Variants in DENND5A observed in about 807,000 individuals in gnomAD.
DENND5A encodes DENN domain containing 5A.
In DENND5A, 64 loss-of-function variants were observed where a neutral mutation model predicts 140.3. The ratio of observed to expected loss-of-function variants is 0.46; its 90% CI spans 0.37 to 0.56. The LOEUF (loss-of-function observed/expected upper bound fraction) is 0.56, where lower values mean the gene tolerates loss of function less well. DENND5A is among the 20% of genes least tolerant of loss of function. DENND5A has a pLI of 0.00. For missense variants in DENND5A, 1,292 were observed against 1,593.8 expected, an observed-to-expected ratio of 0.81 and a Z score of 3.22; for synonymous variants, 605 against 607.7, an observed-to-expected ratio of 1.00 and a Z score of 0.07.
chr11:9,143,992 G>T, intron 19 of DENND5A, 105 bp downstream of exon 19: 1 of 1,343,536 alleles, frequency 7.4e-7, no homozygotes, highest in Non-Finnish European at 1.0e-6. Flanking sequence ...GTTTCCTGAG[G>T]CAGCTGCACA....
In DENND5A at chr11:9,152,460, G is replaced by C. The variant is rs1028593438; in HGVS notation, c.2437-18C>G. The C allele has an allele frequency of 3.2e-6, 5 of 1,556,670 alleles. No individual in the cohort carries two copies. Among genetic ancestry groups the C allele is most frequent in the South Asian group, 1.1e-5 (1 of 89,894 alleles). ...GATTTCCCCTGGAACCAATGCAAGG[G>C]AGAAACACCTATCAGTTTAGATTTC... On this transcript the variant is annotated intron_variant, in intron 12 of 22. Coordinates refer to ENST00000328194, the MANE Select transcript of DENND5A (RefSeq NM_015213.4).
chr11:9,197,676 C>CA (rs1849379137), intron 4 of DENND5A, among the ~76,000 whole-genome samples: 1 of 152,108 alleles, frequency 6.6e-6, no homozygotes, highest in Non-Finnish European at 1.5e-5. Context: ...GCCTGGGCAA[C>CA]AGAGCAAGAC....
intron 5 of DENND5A, among the ~76,000 whole-genome samples, chr11:9,188,288 G>A (rs1173925076): frequency 6.6e-6 from 1 of 152,148 alleles, no homozygotes; most frequent in Admixed American, 6.5e-5. Context: ...CCATGATTGT[G>A]AGGCTTCCCC....
chr11:9,245,180 G>A (rs1322567905), intron 1 of DENND5A, among the ~76,000 whole-genome samples: 1 of 151,224 alleles, frequency 6.6e-6, no homozygotes, highest in African/African-American at 2.4e-5. Flanking sequence ...AGCTACTCAG[G>A]AGGCTGAGGC....
chr11:9,250,001 A>G (rs984115102), intron 1 of DENND5A, among the ~76,000 whole-genome samples: 14 of 151,478 alleles, frequency 9.2e-5, no homozygotes, highest in African/African-American at 2.9e-4. Flanking sequence ...TATTCTTTCT[A>G]AACCATTTCC....
At chr11:9,218,202 T>C (rs2136231367) in intron 1 of DENND5A, among the ~76,000 whole-genome samples, 1 of 151,316 alleles carries the variant, frequency 6.6e-6, no homozygotes, top group Non-Finnish European at 1.5e-5. Flanking sequence ...GAGGCTGCAG[T>C]GAGCTGAGAT....
In DENND5A at chr11:9,180,724, T is replaced by C. The variant is rs202089580; in HGVS notation, c.1455+43A>G. 16 of 1,584,720 alleles carry C rather than the reference T, an allele frequency of 1.0e-5. No individual in the cohort carries two copies. In the Admixed American group the frequency reaches 2.7e-4, roughly 27 times the overall value. On this transcript the variant is annotated intron_variant, in intron 6 of 22. Transcript: ENST00000328194. The stretch of plus-strand genomic sequence containing the variant: ...ACCTTACTTCACCAGGACAGCACCC[T>C]AGCACAGATCACACGTGTCACAGAC...
chr11:9,176,368 C>T (rs934634354), intron 8 of DENND5A, among the ~76,000 whole-genome samples: 1 of 152,126 alleles, frequency 6.6e-6, no homozygotes, highest in Non-Finnish European at 1.5e-5. Context: ...CCAAAATATA[C>T]AAAAATGCCT....
At chr11:9,250,131 C>T (rs556112589) in intron 1 of DENND5A, among the ~76,000 whole-genome samples, 36 of 151,580 alleles carry the variant, frequency 2.4e-4, no homozygotes, top group Non-Finnish European at 1.2e-4. Context: ...AAGTCACAGC[C>T]AGCCCCCGAA....
chr11:9,251,990 C>T lies in DENND5A; in HGVS notation c.109+12971G>A, dbSNP rs552532728. Among the ~76,000 whole-genome samples, 328 of 130,956 alleles carry T rather than the reference C, an allele frequency of 2.5e-3. 2 individuals are homozygous for T. Among genetic ancestry groups the T allele is most frequent in the African/African-American group, 9.0e-3 (312 of 34,554 alleles). The allele number at this position is 130,956 out of a possible 152,430, so 85.9% of individuals were successfully genotyped here. A position where few individuals can be genotyped will look rare whatever the true frequency, so the allele number is the denominator to read the frequency against. On this transcript the variant is annotated intron_variant, in intron 1 of 22. Coordinates refer to ENST00000328194, the MANE Select transcript of DENND5A (RefSeq NM_015213.4). ...GGCGACAGAGCGAGACTCTGTCTCG[C>T]GAAAAAAAAGAAAAAAGAACTAAAT...
At chr11:9,263,267 A>G (rs1350205973) in intron 1 of DENND5A, among the ~76,000 whole-genome samples, 1 of 151,238 alleles carries the variant, frequency 6.6e-6, no homozygotes, top group Non-Finnish European at 1.5e-5. Context: ...TAGTGGCGCA[A>G]TCACCCAGAC....
chr11:9,189,620 T>G (rs547032672), intron 5 of DENND5A, among the ~76,000 whole-genome samples: 133 of 150,178 alleles, frequency 8.9e-4, no homozygotes, highest in African/African-American at 3.1e-3. Context: ...GTTGTTTGGT[T>G]TTTTTTTTTT....
At chr11:9,150,506 G>A (rs1223302080) in intron 14 of DENND5A, among the ~76,000 whole-genome samples, 174 bp downstream of exon 14, 1 of 152,138 alleles carries the variant, frequency 6.6e-6, no homozygotes, top group African/African-American at 2.4e-5. Context: ...GAAACCCAAC[G>A]GTTTGTACAG....
At chr11:9,194,962 C>T (rs936553439) in intron 4 of DENND5A, among the ~76,000 whole-genome samples, 50 of 151,544 alleles carry the variant, frequency 3.3e-4, no homozygotes, top group African/African-American at 1.2e-3. Flanking sequence ...TGTGATCCAC[C>T]CGCCTCAGCC....
At chr11:9,223,933 T>C (rs112308696) in intron 1 of DENND5A, among the ~76,000 whole-genome samples, 12,301 of 152,220 alleles carry the variant, frequency 0.081, 542 homozygotes, top group South Asian at 0.1. Context: ...GGCTCATGCC[T>C]GTAATCCCAG....
intron 1 of DENND5A, among the ~76,000 whole-genome samples, chr11:9,208,411 G>A (rs1849763415): frequency 1.3e-5 from 2 of 152,102 alleles, no homozygotes; most frequent in African/African-American, 4.8e-5. Flanking sequence ...AGGGACTTGT[G>A]GTTATTAAGG....
chr11:9,254,563 T>C (rs1851865474), intron 1 of DENND5A, among the ~76,000 whole-genome samples: 2 of 152,120 alleles, frequency 1.3e-5, no homozygotes, highest in South Asian at 2.1e-4. Context: ...AGATTTTGAG[T>C]TTTGCTGCAG....
chr11:9,262,730 C>G (rs1590354784), intron 1 of DENND5A, among the ~76,000 whole-genome samples: 1 of 116,788 alleles, frequency 8.6e-6, no homozygotes, highest in African/African-American at 3.1e-5. Context: ...ATTAGGTACT[C>G]ATCAAAATAA....
chr11:9,144,649 C>T (rs1221445390), intron 18 of DENND5A, among the ~76,000 whole-genome samples: 7 of 151,934 alleles, frequency 4.6e-5, no homozygotes, highest in East Asian at 1.9e-4. Flanking sequence ...ATTAGCTGGG[C>T]GTGGTGGTGC....
Sources: allele counts gnomAD v4.1 joint callset (sites outside exome capture counted in the v4.1 genomes callset), GRCh38; gene constraint gnomAD v4.1.1; transcripts MANE v1.5; gene names NCBI Gene and HGNC (gene_info 2026-07-23, HGNC 2026-07-21).